IMMP2L: variants seen among roughly 807,000 people sequenced by gnomAD.
IMMP2L encodes the protein inner mitochondrial membrane peptidase subunit 2, also known as mitochondrial inner membrane protease subunit 2.
Under a neutral mutation model 19.3 loss-of-function variants are expected in IMMP2L, and 18 were observed. The observed-to-expected ratio is 0.93, with a 90% CI of 0.64 to 1.38. IMMP2L has a LOEUF of 1.38. IMMP2L is among the 40% of genes most tolerant of loss of function. The pLI, the probability that IMMP2L is intolerant of heterozygous loss-of-function variation, is 0.00. For synonymous variants in IMMP2L, 76 were observed against 73.0 expected (o/e 1.04, Z -0.21); for missense variants, 233 against 218.2 (o/e 1.07, Z -0.43).
At chr7:111,454,853 A>G (rs1839546184) in intron 3 of IMMP2L, among the ~76,000 whole-genome samples, 1 of 152,096 alleles carries the variant, frequency 6.6e-6, no homozygotes, top group Admixed American at 6.6e-5. Context: ...ATGATGAATG[A>G]TTAAGGGAGA....
chr7:110,850,602 T>G (rs1168263056), intron 5 of IMMP2L, among the ~76,000 whole-genome samples: 2 of 151,946 alleles, frequency 1.3e-5, no homozygotes, highest in Non-Finnish European at 2.9e-5. Flanking sequence ...CTCGCCCTCA[T>G]GCCAAGAACC....
intron 4 of IMMP2L, among the ~76,000 whole-genome samples, chr7:110,915,696 TACA>T (rs758677705): frequency 6.6e-6 from 1 of 152,188 alleles, no homozygotes; most frequent in East Asian, 1.9e-4. Context: ...GCAATCAATA[TACA>T]ACATGTATGT....
intron 3 of IMMP2L, chr7:111,483,596 T>G (rs1032661361): frequency 3.9e-5 from 6 of 152,184 alleles, no homozygotes; most frequent in Non-Finnish European, 7.4e-5. Flanking sequence ...ATAAGAAAGA[T>G]ATGCAAAAAA....
chr7:110,667,645 T>C (rs10239855), intron 5 of IMMP2L, among the ~76,000 whole-genome samples: 5,569 of 152,212 alleles, frequency 0.037, 350 homozygotes, highest in African/African-American at 0.12. Context: ...GCAGGCAGCC[T>C]CTCGAAGCCA....
At chr7:111,552,345 G>C (rs1057507664) in intron 1 of IMMP2L, among the ~76,000 whole-genome samples, 1 of 151,954 alleles carries the variant, frequency 6.6e-6, no homozygotes, top group Non-Finnish European at 1.5e-5. Context: ...TGGAGTGCAC[G>C]GGCACAATCT....
chr7:110,781,968 A>AATT, intron 5 of IMMP2L, among the ~76,000 whole-genome samples: 1 of 152,078 alleles, frequency 6.6e-6, no homozygotes. Context: ...AATTAATTTA[A>AATT]AGCCTTTCCC....
At chr7:111,408,528 A>G in intron 3 of IMMP2L, among the ~76,000 whole-genome samples, 1 of 151,780 alleles carries the variant, frequency 6.6e-6, no homozygotes, top group Non-Finnish European at 1.5e-5. Flanking sequence ...ATCATATCAC[A>G]GAACTGCAAG....
chr7:111,017,004 T>C (rs930118641), intron 3 of IMMP2L, among the ~76,000 whole-genome samples: 5 of 131,564 alleles, frequency 3.8e-5, no homozygotes, highest in African/African-American at 1.4e-4. Context: ...ATATATTATA[T>C]ATAAACATTA....
rs568978612 is a variant in IMMP2L, at chr7:110,984,623, G to A, written c.240-21058C>T. ...TGATATTTTATCTTGTTAAAAATTC[G>A]TGGTAATAGTCAATGTTTAGGCTTA... On this transcript the variant is annotated intron_variant, in intron 3 of 5. Coordinates refer to ENST00000405709, the MANE Select transcript of IMMP2L (RefSeq NM_032549.4). Among the ~76,000 whole-genome samples, 114 of 152,032 alleles carry A rather than the reference G, an allele frequency of 7.5e-4. 1 individual carries two copies. The South Asian group carries it at 7.9e-3, about 11-fold the overall frequency.
At chr7:111,085,640 G>A (rs533892352) in intron 3 of IMMP2L, among the ~76,000 whole-genome samples, 26 of 152,154 alleles carry the variant, frequency 1.7e-4, no homozygotes, top group African/African-American at 5.5e-4. Flanking sequence ...TTTGAGAAGT[G>A]TCTGTTCATA....
intron 5 of IMMP2L, among the ~76,000 whole-genome samples, chr7:110,731,451 T>A (rs984879336): frequency 2.0e-5 from 3 of 152,098 alleles, no homozygotes; most frequent in Admixed American, 6.6e-5. Flanking sequence ...CCCCCCATCA[T>A]AATAATAGTG....
At chr7:111,200,819 G>A (rs542617233) in intron 3 of IMMP2L, among the ~76,000 whole-genome samples, 1 of 152,058 alleles carries the variant, frequency 6.6e-6, no homozygotes, top group Admixed American at 6.5e-5. Context: ...ACAGATAAAA[G>A]ACAAAAAGGC....
chr7:111,423,271 A>G (rs1315841321), intron 3 of IMMP2L, among the ~76,000 whole-genome samples: 1 of 151,844 alleles, frequency 6.6e-6, no homozygotes, highest in East Asian at 1.9e-4. Context: ...TATTGAATGG[A>G]ATAGTTTCAG....
At chr7:110,914,642 T>C (rs2129549031) in intron 4 of IMMP2L, among the ~76,000 whole-genome samples, 4 of 152,304 alleles carry the variant, frequency 2.6e-5, no homozygotes. Context: ...GTGATGTTTG[T>C]TCCTGCTTCA....
intron 3 of IMMP2L, among the ~76,000 whole-genome samples, chr7:111,470,902 TAAAG>T (rs1457094612): frequency 2.0e-5 from 3 of 149,454 alleles, no homozygotes; most frequent in Admixed American, 2.0e-4. Flanking sequence ...AATAAATAAA[TAAAG>T]AGAAGAGGGC....
chr7:110,886,644 C>A lies in IMMP2L; in HGVS notation c.357G>T (p.Trp119Cys). Residue 119 changes from tryptophan to cysteine, a missense_variant, in exon 5 of 6, where the codon TGG becomes TGT. Transcript: ENST00000405709. ...TGTGTCCATGATGATCACCTTCAAC[C>A]CAGATGTGACCACGGGGGACTTTGA... is the stretch of plus-strand genomic sequence containing the variant. ...RYVKVPRGHIWVEGDHHGHSF... is the reference protein window; with the variant it reads ...RYVKVPRGHICVEGDHHGHSF... 1 of 1,610,504 alleles carries A rather than the reference C, an allele frequency of 6.2e-7. No individual in the cohort carries two copies.
At chr7:111,445,940 G>C (rs1056282176) in intron 3 of IMMP2L, among the ~76,000 whole-genome samples, 1 of 152,296 alleles carries the variant, frequency 6.6e-6, no homozygotes, top group East Asian at 1.9e-4. Flanking sequence ...CAAAGAAAGG[G>C]GTGATGGACG....
intron 3 of IMMP2L, among the ~76,000 whole-genome samples, chr7:111,130,892 A>G (rs2129593740): frequency 6.6e-6 from 1 of 152,096 alleles, no homozygotes; most frequent in African/African-American, 2.4e-5. Flanking sequence ...AAAAACAAGA[A>G]ATCATGTCTC....
chr7:111,265,338 T>C (rs1399259616), intron 3 of IMMP2L, among the ~76,000 whole-genome samples: 1 of 152,206 alleles, frequency 6.6e-6, no homozygotes, highest in African/African-American at 2.4e-5. Flanking sequence ...AGCAGTATAT[T>C]GAACCCAAAT....
Sources: gnomAD v4.1 joint callset for allele counts (sites outside exome capture counted in the v4.1 genomes callset) on GRCh38, gnomAD v4.1.1 for gene constraint, MANE v1.5 for transcripts, NCBI Gene and HGNC (gene_info 2026-07-23, HGNC 2026-07-21) for gene names.